The following ZSWIM5 variants were observed in gnomAD, a reference collection of about 807,000 sequenced individuals.
The protein encoded by ZSWIM5 is zinc finger SWIM-type containing 5.
Under a neutral mutation model 119.6 loss-of-function variants are expected in ZSWIM5, and 55 were observed. The ratio of observed to expected loss-of-function variants is 0.46; its 90% CI spans 0.37 to 0.58. ZSWIM5 has a LOEUF of 0.58. Among genes scored for constraint, ZSWIM5 ranks in the 20% least tolerant of loss-of-function variants. The probability of loss-of-function intolerance (pLI) is 0.00; values close to 1 mark genes in which losing one functional copy is unlikely to be tolerated. For synonymous variants in ZSWIM5, 537 were observed against 606.9 expected, an observed-to-expected ratio of 0.88 and a Z score of 1.69; for missense variants, 1,193 against 1,512.8, an observed-to-expected ratio of 0.79 and a Z score of 3.51.
chr1:45,081,467 C>T lies in ZSWIM5; in HGVS notation c.952+6414G>A, dbSNP rs927597889. ...CTGCAATTGCAGGCGCGCGCCGCCA[C>T]GCCTGACTGGTTTTCGTATTTTTTT... On this transcript the variant is annotated intron_variant, in intron 2 of 13. Coordinates refer to ENST00000359600, the MANE Select transcript of ZSWIM5 (RefSeq NM_020883.2). Among the ~76,000 whole-genome samples, 25 of 152,128 alleles carry T rather than the reference C, an allele frequency of 1.6e-4. No homozygotes were observed. The East Asian group carries it at 4.2e-3, about 26-fold the overall frequency.
At chr1:45,157,762 A>T (rs2149040201) in intron 1 of ZSWIM5, among the ~76,000 whole-genome samples, 1 of 152,318 alleles carries the variant, frequency 6.6e-6, no homozygotes, top group African/African-American at 2.4e-5. Context: ...CCTTTTTCCA[A>T]AGTGGTTATA....
chr1:45,104,141 C>G (rs1007838775), intron 1 of ZSWIM5, among the ~76,000 whole-genome samples: 1 of 152,124 alleles, frequency 6.6e-6, no homozygotes, highest in Non-Finnish European at 1.5e-5. Context: ...TCCTGTCTCC[C>G]GGAAGGCCAC....
chr1:45,084,690 A>G (rs1197910076), intron 2 of ZSWIM5, among the ~76,000 whole-genome samples: 1 of 152,242 alleles, frequency 6.6e-6, no homozygotes, highest in Non-Finnish European at 1.5e-5. Flanking sequence ...GGCAGTCACT[A>G]AACCTTAAAT....
Position 45,206,307 on chromosome 1 carries a change from G to A in ZSWIM5, c.44C>T (p.Pro15Leu), listed in dbSNP as rs1320946474. Residue 15 changes from proline (P) to leucine (L), a missense_variant, in exon 1 of 14, where the codon CCG (proline) becomes CTG (leucine). Transcript: ENST00000359600. The stretch of plus-strand genomic sequence containing the variant: ...ACACTGCCGCTTAGCCGGAGAGACC[G>A]GTGACGGCGAGAGCAGCTCCTCTCG... The part of the protein sequence containing the change: ...GEREELLSPS[P>L]VSPAKRQCSW... The A allele has an allele frequency of 5.8e-6, 9 of 1,545,526 alleles. No individual in the cohort carries two copies. The highest frequency in any genetic ancestry group is 2.0e-5 in the Admixed American group (1 of 51,242).
At chr1:45,165,859 T>C (rs200791602) in intron 1 of ZSWIM5, among the ~76,000 whole-genome samples, 1 of 152,036 alleles carries the variant, frequency 6.6e-6, no homozygotes, top group African/African-American at 2.4e-5. Context: ...CAGGACCAGA[T>C]GGATTCACAG....
At chr1:45,126,964 G>T (rs948355065) in intron 1 of ZSWIM5, among the ~76,000 whole-genome samples, 2 of 151,976 alleles carry the variant, frequency 1.3e-5, no homozygotes, top group African/African-American at 2.4e-5. Context: ...TCGTTCTCCC[G>T]AGTAGCTGGG....
chr1:45,054,388 G>C (rs1156674434), intron 4 of ZSWIM5, among the ~76,000 whole-genome samples: 1 of 151,964 alleles, frequency 6.6e-6, no homozygotes, highest in Non-Finnish European at 1.5e-5. Flanking sequence ...TTTGAGACCA[G>C]CCTGGCCAAC....
chr1:45,039,038 G>C lies in ZSWIM5; in HGVS notation c.1792C>G (p.Leu598Val). 1 of 1,614,128 alleles carries C rather than the reference G, an allele frequency of 6.2e-7. No individual in the cohort carries two copies. Among genetic ancestry groups the C allele is most frequent in the Admixed American group, 1.7e-5 (1 of 60,018 alleles). Residue 598 changes from leucine to valine, a missense_variant, in exon 8 of 14, where the codon CTG becomes GTG. Leu to Val is a conservative substitution (Grantham distance 32). Around this residue, in one of 2 missense-constraint regions of ZSWIM5, gnomAD observed 961 missense variants for 1,290.0 expected, o/e 0.74. Coordinates refer to ENST00000359600, the MANE Select transcript of ZSWIM5 (RefSeq NM_020883.2). ...LQRGTTTITN[L>V]EGWVGHPLDP... ...AGGGGGTGGCCCACCCAGCCCTCCA[G>C]GTTTGTGATGGTTGTGGTTCCTCTC...
intron 1 of ZSWIM5, among the ~76,000 whole-genome samples, chr1:45,150,460 A>G (rs2149037612): frequency 6.6e-6 from 1 of 152,234 alleles, no homozygotes; most frequent in South Asian, 2.1e-4. Context: ...GAACACAATT[A>G]CCATATGACC....
At chr1:45,048,496 C>G (rs1645070692) in intron 5 of ZSWIM5, among the ~76,000 whole-genome samples, 1 of 152,066 alleles carries the variant, frequency 6.6e-6, no homozygotes, top group Admixed American at 6.6e-5. Context: ...ACCAAGGACT[C>G]TAACGTGGAT....
At chr1:45,181,259 G>A (rs1469116981) in intron 1 of ZSWIM5, among the ~76,000 whole-genome samples, 1 of 152,058 alleles carries the variant, frequency 6.6e-6, no homozygotes. Flanking sequence ...GGAGCTGAAA[G>A]CCAAGGCTCA....
chr1:45,139,019 T>A (rs1012096359), intron 1 of ZSWIM5, among the ~76,000 whole-genome samples: 1 of 151,628 alleles, frequency 6.6e-6, no homozygotes. Context: ...GTAGCTGGGA[T>A]TACAGGCACC....
At chr1:45,144,326 G>A (rs918981197) in intron 1 of ZSWIM5, among the ~76,000 whole-genome samples, 1 of 151,382 alleles carries the variant, frequency 6.6e-6, no homozygotes, top group Non-Finnish European at 1.5e-5. Flanking sequence ...CCAGGAGTTC[G>A]AGACCAGCAA....
intron 1 of ZSWIM5, among the ~76,000 whole-genome samples, chr1:45,164,800 C>T (rs1159824553): frequency 6.6e-6 from 1 of 152,036 alleles, no homozygotes; most frequent in East Asian, 1.9e-4. Flanking sequence ...AATACAGGAG[C>T]ACCCAGATTC....
chr1:45,183,330 T>C (rs1570193480), intron 1 of ZSWIM5, among the ~76,000 whole-genome samples: 2 of 151,106 alleles, frequency 1.3e-5, no homozygotes, highest in East Asian at 3.9e-4. Flanking sequence ...AACATCACAA[T>C]TAAAAGAACT....
intron 1 of ZSWIM5, among the ~76,000 whole-genome samples, chr1:45,102,092 C>G (rs1479146315): frequency 1.3e-5 from 2 of 151,794 alleles, no homozygotes; most frequent in Non-Finnish European, 2.9e-5. Context: ...ACCTAACAGT[C>G]TGGCATAGAG....
chr1:45,092,241 G>A (rs541799504), intron 1 of ZSWIM5, among the ~76,000 whole-genome samples: 6 of 152,200 alleles, frequency 3.9e-5, no homozygotes, highest in African/African-American at 1.4e-4. Flanking sequence ...ACACTTAATT[G>A]TCACAGTTTT....
intron 1 of ZSWIM5, among the ~76,000 whole-genome samples, chr1:45,114,072 G>A (rs1645532675): frequency 6.6e-6 from 1 of 152,178 alleles, no homozygotes; most frequent in African/African-American, 2.4e-5. Context: ...CTAAATTTGA[G>A]CAGTGACAAT....
chr1:45,079,277 T>C (rs748144696), intron 2 of ZSWIM5, among the ~76,000 whole-genome samples: 19 of 152,182 alleles, frequency 1.2e-4, no homozygotes, highest in Admixed American at 7.9e-4. Flanking sequence ...TCAGCCCGCC[T>C]GCACCCAGGT....
Sources: gnomAD v4.1 joint callset for allele counts (sites outside exome capture counted in the v4.1 genomes callset) on GRCh38, gnomAD v4.1.1 for gene constraint, gnomAD v4.1.1 regional missense constraint, MANE v1.5 for transcripts, NCBI Gene and HGNC (gene_info 2026-07-23, HGNC 2026-07-21) for gene names.